CNTNAP2: variants seen among roughly 807,000 people sequenced by gnomAD.
CNTNAP2 encodes the protein contactin-associated protein-like 2.
In CNTNAP2, 98 loss-of-function variants were observed where a neutral mutation model predicts 155.2. That is an observed-to-expected ratio of 0.63 (90% CI 0.54 to 0.75). The LOEUF is 0.75. Ranked by LOEUF, CNTNAP2 falls within the 30% of genes least tolerant of loss-of-function variation. The probability of loss-of-function intolerance (pLI) is 0.00; values close to 1 mark genes in which losing one functional copy is unlikely to be tolerated. For missense variants in CNTNAP2, 1,727 were observed against 1,688.1 expected (o/e 1.02, Z -0.40); for synonymous variants, 651 against 631.2 (o/e 1.03, Z -0.47).
chr7:147,897,734 C>T (rs17170740), intron 13 of CNTNAP2, among the ~76,000 whole-genome samples: 3,199 of 152,188 alleles, frequency 0.021, 122 homozygotes, highest in East Asian at 0.17. Context: ...ACATTTCTTT[C>T]GGTGGTTGAG....
At chr7:147,607,114 C>T (rs1801083951) in intron 12 of CNTNAP2, among the ~76,000 whole-genome samples, 1 of 152,138 alleles carries the variant, frequency 6.6e-6, no homozygotes, top group Admixed American at 6.5e-5. Context: ...GACTGTGTTG[C>T]TAAGGCTCCT....
rs112327928 is a variant in CNTNAP2 at position 146,263,646 on chromosome 7, T to C, written c.97+146673T>C. ...AGGTTGTAGACAGAGCAGGGTATGG[T>C]TGGCTTCATTTTTCTCACTTACAAG... On this transcript the variant is annotated intron_variant, in intron 1 of 23. Coordinates refer to ENST00000361727, the MANE Select transcript of CNTNAP2 (RefSeq NM_014141.6). 3.8e-3 allele frequency among the ~76,000 whole-genome samples: 572 copies of C among 152,254 alleles called. 1 individual carries two copies. Among genetic ancestry groups the C allele is most frequent in the Non-Finnish European group, 6.5e-3 (440 of 68,016 alleles).
chr7:148,090,955 A>G (rs1054591087), intron 15 of CNTNAP2, among the ~76,000 whole-genome samples: 3 of 152,152 alleles, frequency 2.0e-5, no homozygotes, highest in Admixed American at 1.3e-4. Flanking sequence ...ATTATGTTAC[A>G]TAAAATAAAC....
At chr7:147,953,319 A>G (rs1997530) in intron 14 of CNTNAP2, among the ~76,000 whole-genome samples, 70,725 of 151,948 alleles carry the variant, frequency 0.47, 17,806 homozygotes, top group Middle Eastern at 0.7. Flanking sequence ...TTAGAAAGAC[A>G]AGCTCATGTA....
chr7:146,736,889 A>G (rs945223698), intron 1 of CNTNAP2, among the ~76,000 whole-genome samples: 15 of 152,146 alleles, frequency 9.9e-5, no homozygotes, highest in African/African-American at 3.4e-4. Flanking sequence ...ACTTTAGGAA[A>G]TATCTATTAG....
intron 1 of CNTNAP2, among the ~76,000 whole-genome samples, chr7:146,510,195 T>C (rs1315475794): frequency 6.6e-6 from 1 of 152,200 alleles, no homozygotes; most frequent in East Asian, 1.9e-4. Flanking sequence ...GCAGTTATAT[T>C]TCTCATAGAC....
At chr7:146,666,862 T>A (rs545796581) in intron 1 of CNTNAP2, among the ~76,000 whole-genome samples, 1 of 152,234 alleles carries the variant, frequency 6.6e-6, no homozygotes, top group African/African-American at 2.4e-5. Flanking sequence ...GATGTTTGAG[T>A]TTTTTGTGTA....
Position 146,852,365 on chromosome 7 carries a change from A to T in CNTNAP2, c.402+12461A>T, listed in dbSNP as rs565801764. On this transcript the variant is annotated intron_variant, in intron 3 of 23. Coordinates refer to ENST00000361727, the MANE Select transcript of CNTNAP2 (RefSeq NM_014141.6). ...GCTTGAATCAAACGACTACTTATAT[A>T]TGACTCTCTGCAATCATTTATTTAC... 3.3e-5 allele frequency among the ~76,000 whole-genome samples: 5 copies of T among 152,280 alleles called. No homozygotes were observed. The South Asian group carries it at 1.0e-3, about 32-fold the overall frequency.
At chr7:146,711,846 A>T (rs184326368) in intron 1 of CNTNAP2, among the ~76,000 whole-genome samples, 1,377 of 92,888 alleles carry the variant, frequency 0.015, 12 homozygotes, top group African/African-American at 0.11. Flanking sequence ...TTATGTATAC[A>T]ATATAGTATA....
At chr7:146,487,284 CTGA>C (rs1797071613) in intron 1 of CNTNAP2, among the ~76,000 whole-genome samples, 2 of 152,198 alleles carry the variant, frequency 1.3e-5, no homozygotes, top group African/African-American at 2.4e-5. Context: ...CCAGTTGATT[CTGA>C]CAAGCATGTC....
chr7:147,128,232 T>C (rs1162290074), intron 6 of CNTNAP2, among the ~76,000 whole-genome samples: 1 of 152,202 alleles, frequency 6.6e-6, no homozygotes, highest in Non-Finnish European at 1.5e-5. Context: ...CAAGTCTGCA[T>C]AGGGTAAATA....
intron 14 of CNTNAP2, among the ~76,000 whole-genome samples, chr7:147,974,491 G>C (rs1292359872): frequency 6.6e-6 from 1 of 152,126 alleles, no homozygotes; most frequent in East Asian, 1.9e-4. Flanking sequence ...CAGGTGTGGT[G>C]GTGGGCACCT....
intron 9 of CNTNAP2, among the ~76,000 whole-genome samples, chr7:147,394,255 T>C (rs1262213435): frequency 6.6e-6 from 1 of 152,006 alleles, no homozygotes; most frequent in South Asian, 2.1e-4. Context: ...ATAAGTTTCC[T>C]GAGCCCTCCC....
intron 1 of CNTNAP2, among the ~76,000 whole-genome samples, chr7:146,644,282 G>T (rs1178493158): frequency 6.6e-6 from 1 of 152,084 alleles, no homozygotes; most frequent in East Asian, 1.9e-4. Context: ...TATGATATTG[G>T]CTGTGGGTTT....
chr7:146,494,376 TA>T (rs1360398553), intron 1 of CNTNAP2, among the ~76,000 whole-genome samples: 4 of 151,452 alleles, frequency 2.6e-5, no homozygotes, highest in Non-Finnish European at 5.9e-5. Context: ...TAAATAAAAA[TA>T]AAAATGCTTT....
chr7:147,424,496 C>T (rs1797346876), intron 10 of CNTNAP2, among the ~76,000 whole-genome samples: 1 of 151,966 alleles, frequency 6.6e-6, no homozygotes, highest in Non-Finnish European at 1.5e-5. Context: ...CCTACTGTTC[C>T]TTCTCATTTA....
intron 3 of CNTNAP2, among the ~76,000 whole-genome samples, chr7:146,916,305 T>C (rs1796393191): frequency 6.6e-6 from 1 of 152,154 alleles, no homozygotes; most frequent in African/African-American, 2.4e-5. Flanking sequence ...CTTTCTTGGT[T>C]TTGGTATTAG....
intron 15 of CNTNAP2, among the ~76,000 whole-genome samples, chr7:148,022,464 G>A (rs1462279083): frequency 4.2e-5 from 4 of 95,224 alleles, no homozygotes; most frequent in East Asian, 5.0e-4. Flanking sequence ...GGGAGACTCC[G>A]TCTCAAAAAA....
intron 22 of CNTNAP2, among the ~76,000 whole-genome samples, chr7:148,389,051 T>C (rs1344187791): frequency 6.6e-6 from 1 of 152,212 alleles, no homozygotes; most frequent in Non-Finnish European, 1.5e-5. Flanking sequence ...GGAGAACCAC[T>C]GCTCTTTTCA....
Sources: gnomAD v4.1 joint callset for allele counts (sites outside exome capture counted in the v4.1 genomes callset) on GRCh38, gnomAD v4.1.1 for gene constraint, MANE v1.5 for transcripts, NCBI Gene and HGNC (gene_info 2026-07-23, HGNC 2026-07-21) for gene names.